The following MALRD1 variants were observed in gnomAD, a reference collection of about 807,000 sequenced individuals.
The protein encoded by MALRD1 is MAM and LDL receptor class A domain containing 1.
A neutral mutation model predicts 242.1 loss-of-function variants in MALRD1; 247 were observed. The observed-to-expected ratio is 1.02, with a 90% CI of 0.92 to 1.13. The LOEUF is 1.13. Among genes scored for constraint, MALRD1 ranks in the 50% most tolerant of loss-of-function variants. MALRD1 has a pLI of 0.00. For missense variants in MALRD1, 2,989 were observed against 2,533.1 expected (o/e 1.18, Z -3.86); for synonymous variants, 995 against 866.6 (o/e 1.15, Z -2.60).
At chr10:19,465,221 C>G (rs1222530005) in intron 29 of MALRD1, among the ~76,000 whole-genome samples, 1 of 152,062 alleles carries the variant, frequency 6.6e-6, no homozygotes, top group Non-Finnish European at 1.5e-5. Context: ...TGTCTGAATG[C>G]TCTAGCTAGG....
intron 31 of MALRD1, among the ~76,000 whole-genome samples, chr10:19,502,024 AAGAAAAG>A (rs1161170965): frequency 9.0e-6 from 1 of 111,072 alleles, no homozygotes; most frequent in Non-Finnish European, 1.7e-5. Flanking sequence ...AAAAAAAAAA[AAGAAAAG>A]AAAAGAAAAG....
chr10:19,485,735 T>C (rs1398718451), intron 29 of MALRD1, among the ~76,000 whole-genome samples: 1 of 151,906 alleles, frequency 6.6e-6, no homozygotes, highest in Non-Finnish European at 1.5e-5. Flanking sequence ...TCAAAAGCCC[T>C]AAAAGAGACA....
chr10:19,625,177 C>T (rs984292711), intron 36 of MALRD1, among the ~76,000 whole-genome samples: 2 of 152,268 alleles, frequency 1.3e-5, no homozygotes, highest in East Asian at 1.9e-4. Flanking sequence ...ACGATCTATG[C>T]TCAACCCTTG....
intron 18 of MALRD1, among the ~76,000 whole-genome samples, chr10:19,219,037 G>A (rs375331555): frequency 7.9e-5 from 12 of 152,086 alleles, no homozygotes; most frequent in African/African-American, 2.9e-4. Flanking sequence ...TTATTTATAT[G>A]TCATAAAGAA....
chr10:19,653,849 A>G (rs1305407804), intron 36 of MALRD1, among the ~76,000 whole-genome samples: 2 of 152,016 alleles, frequency 1.3e-5, no homozygotes, highest in African/African-American at 2.4e-5. Context: ...TTTCTCCTCT[A>G]TTTTTTTGAG....
intron 36 of MALRD1, among the ~76,000 whole-genome samples, chr10:19,646,496 T>C (rs1218087417): frequency 6.6e-6 from 1 of 152,070 alleles, no homozygotes; most frequent in Non-Finnish European, 1.5e-5. Context: ...TACCAGCTAC[T>C]TGGGAGGCTG....
chr10:19,117,578 A>T (rs1287654924), intron 5 of MALRD1, among the ~76,000 whole-genome samples: 1 of 152,222 alleles, frequency 6.6e-6, no homozygotes, highest in African/African-American at 2.4e-5. Context: ...ATCTACAAAA[A>T]TTACAGTTTT....
intron 2 of MALRD1, among the ~76,000 whole-genome samples, chr10:19,069,448 AG>A (rs975995037): frequency 6.6e-6 from 1 of 152,034 alleles, no homozygotes; most frequent in Non-Finnish European, 1.5e-5. Flanking sequence ...TAGATTTAAA[AG>A]AAGATATTCT....
intron 5 of MALRD1, among the ~76,000 whole-genome samples, chr10:19,118,098 A>G (rs539655230): frequency 3.5e-4 from 54 of 152,348 alleles, no homozygotes; most frequent in Non-Finnish European, 6.3e-4. Context: ...AAGAAGTTCT[A>G]GAAATGAGGA....
chr10:19,638,815 C>T (rs920749133), intron 36 of MALRD1, among the ~76,000 whole-genome samples: 3 of 152,152 alleles, frequency 2.0e-5, no homozygotes, highest in African/African-American at 7.2e-5. Context: ...GAAGGGAGCT[C>T]AGACTCAAAC....
At chr10:19,202,966 A>C (rs1167431499) in intron 14 of MALRD1, among the ~76,000 whole-genome samples, 1 of 152,148 alleles carries the variant, frequency 6.6e-6, no homozygotes, top group African/African-American at 2.4e-5. Context: ...GTAAAATAAC[A>C]ACAACAATAA....
intron 36 of MALRD1, among the ~76,000 whole-genome samples, chr10:19,668,623 A>G (rs1378773050): frequency 1.3e-5 from 2 of 152,160 alleles, no homozygotes; most frequent in Non-Finnish European, 2.9e-5. Context: ...ATTTAATTCT[A>G]TTTAATATGT....
At chr10:19,330,712 T>C (rs1564568235) in intron 23 of MALRD1, among the ~76,000 whole-genome samples, 1 of 152,206 alleles carries the variant, frequency 6.6e-6, no homozygotes, top group Non-Finnish European at 1.5e-5. Context: ...ATGATTCCTG[T>C]TACTATTCTT....
chr10:19,174,955 C>T (rs1835169046), intron 13 of MALRD1, among the ~76,000 whole-genome samples: 1 of 152,020 alleles, frequency 6.6e-6, no homozygotes, highest in African/African-American at 2.4e-5. Flanking sequence ...GAGAAGAGAG[C>T]CCTTCACTCG....
chr10:19,198,259 A>G (rs972610538), intron 14 of MALRD1, among the ~76,000 whole-genome samples: 1 of 152,170 alleles, frequency 6.6e-6, no homozygotes, highest in Non-Finnish European at 1.5e-5. Context: ...AGATGACTTT[A>G]TTACTAATGG....
chr10:19,430,111 CTTTTTTTTTTT>C (rs1156254998), intron 28 of MALRD1, among the ~76,000 whole-genome samples: 1 of 83,494 alleles, frequency 1.2e-5, no homozygotes, highest in East Asian at 3.7e-4. Flanking sequence ...CTCCATTTTC[CTTTTTTTTTTT>C]TTTTTTTTTT....
chr10:19,108,928 G>C (rs561189163), intron 5 of MALRD1, among the ~76,000 whole-genome samples: 53 of 152,204 alleles, frequency 3.5e-4, no homozygotes, highest in African/African-American at 1.2e-3. Flanking sequence ...TGTGCAACTG[G>C]TGGAATAATT....
At chr10:19,086,822 C>A (rs1045593701) in intron 2 of MALRD1, among the ~76,000 whole-genome samples, 1 of 151,996 alleles carries the variant, frequency 6.6e-6, no homozygotes, top group East Asian at 1.9e-4. Flanking sequence ...TCAGGATGGG[C>A]GAGCTTATCA....
At chr10:19,563,484 A>C (rs781662690) in intron 32 of MALRD1, among the ~76,000 whole-genome samples, 13 of 152,230 alleles carry the variant, frequency 8.5e-5, no homozygotes, top group Non-Finnish European at 1.8e-4. Flanking sequence ...CTTTTAGAAC[A>C]GCTGAGTGTA....
Sources: allele counts gnomAD v4.1 joint callset (sites outside exome capture counted in the v4.1 genomes callset), GRCh38; gene constraint gnomAD v4.1.1; transcripts MANE v1.5; gene names NCBI Gene and HGNC (gene_info 2026-07-23, HGNC 2026-07-21).